Variants in CUL5 observed in about 807,000 individuals in gnomAD.
CUL5 encodes the protein cullin-5.
CUL5 carries 26 observed loss-of-function variants against 108.8 expected under a neutral mutation model. That is an observed-to-expected ratio of 0.24 (90% CI 0.18 to 0.33). The LOEUF (loss-of-function observed/expected upper bound fraction) is 0.33. Among genes scored for constraint, CUL5 ranks in the 10% least tolerant of loss-of-function variants. The probability of loss-of-function intolerance (pLI) is 1.00; values close to 1 mark genes in which losing one functional copy is unlikely to be tolerated. For synonymous variants in CUL5, 334 were observed against 298.0 expected, an observed-to-expected ratio of 1.12 and a Z score of -1.25; for missense variants, 524 against 909.2, an observed-to-expected ratio of 0.58 and a Z score of 5.45.
intron 7 of CUL5, 83 bp downstream of exon 7, chr11:108,055,038 T>A: frequency 1.0e-6 from 1 of 997,368 alleles, no homozygotes; most frequent in Admixed American, 2.7e-5. Context: ...ACATAAATAA[T>A]ATTATTTAAC....
chr11:108,013,998 A>G (rs1408765594), intron 1 of CUL5, among the ~76,000 whole-genome samples: 2 of 152,258 alleles, frequency 1.3e-5, no homozygotes, highest in Admixed American at 6.5e-5. Flanking sequence ...ATGTAGAACA[A>G]TGTCCATGCT....
At chr11:108,066,465 A>G (rs1863682844) in intron 7 of CUL5, among the ~76,000 whole-genome samples, 1 of 152,184 alleles carries the variant, frequency 6.6e-6, no homozygotes, top group Non-Finnish European at 1.5e-5. Context: ...TCCAATAAGA[A>G]ATATTTTTTT....
At chr11:108,059,818 A>T (rs1489173897) in intron 7 of CUL5, among the ~76,000 whole-genome samples, 1 of 151,526 alleles carries the variant, frequency 6.6e-6, no homozygotes, top group African/African-American at 2.4e-5. Flanking sequence ...CAGGAGGCGG[A>T]GGTTGCAGTA....
chr11:108,073,963 A>C (rs1389573697), intron 10 of CUL5: 1 of 153,020 alleles, frequency 6.5e-6, no homozygotes, highest in Non-Finnish European at 1.5e-5. Context: ...TTTGTATTGC[A>C]TACCATCTTT....
At chr11:108,073,203 A>C (rs1467066010) in intron 9 of CUL5, among the ~76,000 whole-genome samples, 187 bp from the exon 10 acceptor site, 2 of 148,520 alleles carry the variant, frequency 1.3e-5, no homozygotes, top group Non-Finnish European at 3.0e-5. Flanking sequence ...CTCCGTCTCA[A>C]AAAAAAAAAA....
chr11:108,060,545 G>T (rs1458913023), intron 7 of CUL5, among the ~76,000 whole-genome samples: 1 of 151,990 alleles, frequency 6.6e-6, no homozygotes, highest in Non-Finnish European at 1.5e-5. Flanking sequence ...ACCACTAAAA[G>T]AAGAATCTGG....
chr11:108,104,538 A>G lies in CUL5; in HGVS notation c.*154A>G, dbSNP rs7112974. 1,592 of 521,768 alleles carry G rather than the reference A, an allele frequency of 3.1e-3. 18 individuals are homozygous for G. The highest frequency in any genetic ancestry group is 0.022 in the African/African-American group (1,092 of 49,916). 32.3% of individuals were successfully genotyped at this position (521,768 alleles called of 1,614,324 possible). ...TTACAAAAACAACTATATTTTGCCA[A>G]TCACATTAGTTAGCATGATGGCATT... On this transcript the variant is annotated 3_prime_UTR_variant, in exon 19 of 19. Transcript: ENST00000393094.
At chr11:108,092,669 G>A (rs533322240) in intron 13 of CUL5, among the ~76,000 whole-genome samples, 1 of 152,300 alleles carries the variant, frequency 6.6e-6, no homozygotes, top group African/African-American at 2.4e-5. Context: ...AGGAGTTGGG[G>A]CCAGGAGGGG....
intron 11 of CUL5, chr11:108,085,016 A>G (rs1431303949): frequency 6.6e-6 from 1 of 152,256 alleles, no homozygotes; most frequent in Non-Finnish European, 1.5e-5. Context: ...TAGCCTTTCA[A>G]AACAAACAAA....
intron 1 of CUL5, among the ~76,000 whole-genome samples, chr11:108,024,592 G>A (rs941470042): frequency 3.3e-5 from 5 of 152,110 alleles, no homozygotes; most frequent in African/African-American, 4.8e-5. Context: ...ACACATCTAC[G>A]CTGAAGATTA....
chr11:108,061,834 G>T (rs1863543546), intron 7 of CUL5, among the ~76,000 whole-genome samples: 1 of 152,102 alleles, frequency 6.6e-6, no homozygotes, highest in Non-Finnish European at 1.5e-5. Context: ...GGAGTCCTCA[G>T]GAAACTTAAA....
At chr11:108,042,079 G>T (rs768645121) in intron 2 of CUL5, among the ~76,000 whole-genome samples, 1 of 152,144 alleles carries the variant, frequency 6.6e-6, no homozygotes, top group Non-Finnish European at 1.5e-5. Context: ...TAATAGGACT[G>T]TGATTGAATA....
intron 7 of CUL5, among the ~76,000 whole-genome samples, chr11:108,063,578 A>G (rs1027782164): frequency 1.3e-5 from 2 of 150,118 alleles, no homozygotes; most frequent in African/African-American, 4.9e-5. Context: ...AATAAAATTT[A>G]ATGTTAATTT....
At chr11:108,010,621 A>G (rs1197431195) in intron 1 of CUL5, among the ~76,000 whole-genome samples, 2 of 152,240 alleles carry the variant, frequency 1.3e-5, no homozygotes, top group South Asian at 2.1e-4. Context: ...TGAAGATTAA[A>G]TTAGTTAATA....
At chr11:108,017,796 A>G (rs990415038) in intron 1 of CUL5, among the ~76,000 whole-genome samples, 2 of 152,134 alleles carry the variant, frequency 1.3e-5, no homozygotes, top group African/African-American at 2.4e-5. Flanking sequence ...GCAGTGAGCA[A>G]TGTTTATGCT....
rs116638813 is a variant in CUL5, at chr11:108,031,488, G to A, written c.25-2314G>A. The stretch of plus-strand genomic sequence containing the variant: ...TTTTTGCATATGGTATAAGAAAGGG[G>A]TCTGGTTTTACTTTTCTGCATATGG... On this transcript the variant is annotated intron_variant, in intron 1 of 18. Coordinates refer to ENST00000393094, the MANE Select transcript of CUL5 (RefSeq NM_003478.6). Among the ~76,000 whole-genome samples the A allele has an allele frequency of 7.7e-3, 1,174 of 152,208 alleles. 10 individuals are homozygous for A. Among genetic ancestry groups the A allele is most frequent in the African/African-American group, 0.026 (1,092 of 41,510 alleles).
At chr11:108,055,279 G>C (rs1032541837) in intron 7 of CUL5, among the ~76,000 whole-genome samples, 1 of 152,058 alleles carries the variant, frequency 6.6e-6, no homozygotes, top group Non-Finnish European at 1.5e-5. Context: ...CATGTTGCAA[G>C]TAATATATGC....
intron 9 of CUL5, 87 bp from the exon 10 acceptor site, chr11:108,073,301 TGA>T (rs765550777): frequency 1.3e-4 from 86 of 640,900 alleles, no homozygotes; most frequent in Non-Finnish European, 2.2e-4. Context: ...CAGTTTTAAA[TGA>T]GTTTTATTAA....
chr11:108,079,451 A>G (rs573649548), intron 11 of CUL5, among the ~76,000 whole-genome samples: 35 of 152,310 alleles, frequency 2.3e-4, no homozygotes, highest in African/African-American at 8.4e-4. Flanking sequence ...CAATAGAGTT[A>G]CTATGGTTGC....
Sources: allele counts gnomAD v4.1 joint callset (sites outside exome capture counted in the v4.1 genomes callset), GRCh38; gene constraint gnomAD v4.1.1; transcripts MANE v1.5; gene names NCBI Gene and HGNC (gene_info 2026-07-23, HGNC 2026-07-21).